The following SLC1A1 variants were observed in gnomAD, a reference collection of about 807,000 sequenced individuals.
The protein encoded by SLC1A1 is solute carrier family 1 member 1.
A neutral mutation model predicts 53.3 loss-of-function variants in SLC1A1; 43 were observed. The observed-to-expected ratio is 0.81, with a 90% CI of 0.63 to 1.04. The LOEUF (loss-of-function observed/expected upper bound fraction) is 1.04. Among genes scored for constraint, SLC1A1 ranks in the 50% least tolerant of loss-of-function variants. The pLI is 0.00. For missense variants in SLC1A1, 748 were observed against 664.9 expected (o/e 1.12, Z -1.37); for synonymous variants, 307 against 243.2 (o/e 1.26, Z -2.44).
intron 1 of SLC1A1, among the ~76,000 whole-genome samples, chr9:4,497,817 TA>T (rs1055304959): frequency 6.6e-6 from 1 of 152,164 alleles, no homozygotes; most frequent in East Asian, 1.9e-4. Flanking sequence ...TTTTAATTTT[TA>T]AAAAAGTATA....
chr9:4,568,256 C>A (rs1378348786), intron 6 of SLC1A1, among the ~76,000 whole-genome samples: 1 of 151,686 alleles, frequency 6.6e-6, no homozygotes, highest in Non-Finnish European at 1.5e-5. Context: ...CTCACCTCTA[C>A]AAAAAATGAA....
rs758475672 is a variant in SLC1A1, at chr9:4,585,601, C to T, written c.*43C>T. 68 of 1,612,630 alleles carry T rather than the reference C, an allele frequency of 4.2e-5. No homozygotes were observed. The highest frequency in any genetic ancestry group is 1.6e-4 in the Middle Eastern group (1 of 6,084). On this transcript the variant is annotated 3_prime_UTR_variant, in exon 12 of 12. Transcript: ENST00000262352. ...GACTGGAAACAAGGAAGGACATTTC[C>T]GTGAGAGTCATCTCAAACACTGCTT... is the stretch of plus-strand genomic sequence containing the variant.
chr9:4,493,166 C>T (rs1300401805), intron 1 of SLC1A1, among the ~76,000 whole-genome samples: 2 of 152,148 alleles, frequency 1.3e-5, no homozygotes, highest in Non-Finnish European at 2.9e-5. Context: ...AAATCAAGTG[C>T]CCAGCTGAAA....
chr9:4,525,628 A>C (rs1816232284), intron 1 of SLC1A1, among the ~76,000 whole-genome samples: 1 of 152,188 alleles, frequency 6.6e-6, no homozygotes, highest in Non-Finnish European at 1.5e-5. Context: ...TAGAAACTAG[A>C]TAATAGAAAA....
At chr9:4,493,687 G>A (rs900312080) in intron 1 of SLC1A1, among the ~76,000 whole-genome samples, 10 of 152,210 alleles carry the variant, frequency 6.6e-5, no homozygotes, top group African/African-American at 2.4e-4. Flanking sequence ...AGGAATGAGT[G>A]AGTTCAGGAG....
chr9:4,556,635 C>T lies in SLC1A1; in HGVS notation c.233-4814C>T, dbSNP rs1224456754. Reference sequence around the variant, plus strand: ...TTTACTTGTTTGGGACTAAGTTGGGCCTGATCTTCGACGTCAACGCCAGTT... The same window carrying T: ...TTTACTTGTTTGGGACTAAGTTGGGTCTGATCTTCGACGTCAACGCCAGTT... On this transcript the variant is annotated intron_variant, in intron 2 of 11. Coordinates refer to ENST00000262352, the MANE Select transcript of SLC1A1 (RefSeq NM_004170.6). This position sits in a 1 kb window ranked among gnomAD's most constrained non-coding sequence, Gnocchi z 4.1. Among the ~76,000 whole-genome samples, 1 of 152,144 alleles carries T rather than the reference C, an allele frequency of 6.6e-6. No individual in the cohort carries two copies. The highest frequency in any genetic ancestry group is 1.5e-5 in the Non-Finnish European group (1 of 68,024).
intron 1 of SLC1A1, among the ~76,000 whole-genome samples, chr9:4,536,643 C>T (rs1816685216): frequency 6.6e-6 from 1 of 152,178 alleles, no homozygotes; most frequent in East Asian, 1.9e-4. Flanking sequence ...GGCGATTCCT[C>T]AGGGATCTTG....
intron 9 of SLC1A1, 22 bp from the exon 10 acceptor site, chr9:4,576,547 C>G (rs369261520): frequency 6.2e-7 from 1 of 1,605,752 alleles, no homozygotes; most frequent in Non-Finnish European, 8.5e-7. Flanking sequence ...GACATAAGTT[C>G]CTTTCTATTT....
intron 2 of SLC1A1, among the ~76,000 whole-genome samples, chr9:4,560,706 A>G (rs1416826375): frequency 6.6e-6 from 1 of 152,050 alleles, no homozygotes; most frequent in African/African-American, 2.4e-5. Context: ...AAAAAAAAAA[A>G]AAATCTCAGG....
rs116877109 is a variant in SLC1A1 at position 4,549,070 on chromosome 9, T to C, written c.232+4363T>C. Among the ~76,000 whole-genome samples the C allele has an allele frequency of 1.6e-3, 237 of 152,318 alleles. 5 individuals carry two copies. The East Asian group carries it at 0.037, about 24-fold the overall frequency. On this transcript the variant is annotated intron_variant, in intron 2 of 11. Transcript: ENST00000262352. This position sits in a 1 kb window ranked among gnomAD's most constrained non-coding sequence, Gnocchi z 4.1. ...AGTGAGTTTAAATTCAGGTCACATT[T>C]TCTTTACTACTTCCCAAAATTAAAC...
intron 6 of SLC1A1, among the ~76,000 whole-genome samples, chr9:4,569,142 A>G (rs753195515): frequency 2.6e-4 from 40 of 152,178 alleles, no homozygotes; most frequent in Non-Finnish European, 5.0e-4. Flanking sequence ...GGCCATCTCT[A>G]GAAACTGCTA....
chr9:4,540,248 C>G (rs1299163314), intron 1 of SLC1A1, among the ~76,000 whole-genome samples: 1 of 152,108 alleles, frequency 6.6e-6, no homozygotes, highest in African/African-American at 2.4e-5. Flanking sequence ...CGCTCCATCC[C>G]CTTTTCAGCT....
At chr9:4,513,603 G>C (rs924225915) in intron 1 of SLC1A1, among the ~76,000 whole-genome samples, 1 of 152,106 alleles carries the variant, frequency 6.6e-6, no homozygotes, top group African/African-American at 2.4e-5. Flanking sequence ...GCTGATATGG[G>C]AATATAAAAT....
At chr9:4,546,093 T>C (rs1817470112) in intron 2 of SLC1A1, among the ~76,000 whole-genome samples, 1 of 152,190 alleles carries the variant, frequency 6.6e-6, no homozygotes, top group Non-Finnish European at 1.5e-5. Flanking sequence ...ATCTGCTGCA[T>C]TCAGGGACTG....
chr9:4,580,352 G>T (rs577803600), intron 10 of SLC1A1, among the ~76,000 whole-genome samples: 29 of 152,246 alleles, frequency 1.9e-4, no homozygotes, highest in African/African-American at 7.0e-4. Context: ...AGGCCAAGGC[G>T]GGCGGATCAC....
At chr9:4,554,189 C>G (rs1328081523) in intron 2 of SLC1A1, 1 of 152,208 alleles carries the variant, frequency 6.6e-6, no homozygotes, top group Non-Finnish European at 1.5e-5. Flanking sequence ...GCAGCTGGAA[C>G]TGGCAAGTTT....
At chr9:4,558,780 G>A (rs1818663337) in intron 2 of SLC1A1, among the ~76,000 whole-genome samples, 1 of 152,054 alleles carries the variant, frequency 6.6e-6, no homozygotes, top group South Asian at 2.1e-4. Flanking sequence ...ACTCTCACTT[G>A]TCAGCACTTC....
In SLC1A1 at chr9:4,556,398, T is replaced by C. The variant is rs1818390260; in HGVS notation, c.233-5051T>C. ...AAACATTTTAAATACTCACTGTTGATTTCTGTGCAGATGCCATCACACCTG... is the reference window on the plus strand; with the variant it reads ...AAACATTTTAAATACTCACTGTTGACTTCTGTGCAGATGCCATCACACCTG... On this transcript the variant is annotated intron_variant, in intron 2 of 11. Transcript: ENST00000262352. The surrounding 1 kb of genome is among the most constrained non-coding windows in gnomAD (Gnocchi z 4.1). 6.6e-6 allele frequency among the ~76,000 whole-genome samples: 1 copy of C among 152,194 alleles called. No homozygotes were observed. The highest frequency in any genetic ancestry group is 1.5e-5 in the Non-Finnish European group (1 of 68,040).
intron 10 of SLC1A1, 127 bp downstream of exon 10, chr9:4,576,890 C>T: frequency 1.1e-6 from 1 of 914,464 alleles, no homozygotes; most frequent in Non-Finnish European, 1.8e-6. Flanking sequence ...AAAGTCCCTT[C>T]CCAAGATTAA....
Sources: allele counts gnomAD v4.1 joint callset (sites outside exome capture counted in the v4.1 genomes callset), GRCh38; gene constraint gnomAD v4.1.1; non-coding constraint Gnocchi (gnomAD v3.1); transcripts MANE v1.5; gene names NCBI Gene and HGNC (gene_info 2026-07-23, HGNC 2026-07-21).